CNTN5: variants seen among roughly 807,000 people sequenced by gnomAD.
The protein encoded by CNTN5 is contactin 5.
CNTN5 carries 77 observed loss-of-function variants against 129.1 expected under a neutral mutation model. The ratio of observed to expected loss-of-function variants is 0.60; its 90% CI spans 0.50 to 0.72. CNTN5 has a LOEUF of 0.72. Among genes scored for constraint, CNTN5 ranks in the 30% least tolerant of loss-of-function variants. The pLI is 0.00. For synonymous variants in CNTN5, 509 were observed against 465.6 expected, an observed-to-expected ratio of 1.09 and a Z score of -1.20; for missense variants, 1,478 against 1,328.8, an observed-to-expected ratio of 1.11 and a Z score of -1.75.
chr11:100,317,005 T>A (rs1419586926), intron 21 of CNTN5, among the ~76,000 whole-genome samples: 2 of 152,218 alleles, frequency 1.3e-5, no homozygotes, highest in African/African-American at 2.4e-5. Context: ...GGTTCACATG[T>A]GTTCATTTTA....
intron 13 of CNTN5, among the ~76,000 whole-genome samples, chr11:100,185,708 C>T (rs1325600096): frequency 6.6e-6 from 1 of 152,122 alleles, no homozygotes; most frequent in Non-Finnish European, 1.5e-5. Context: ...TAAGTATAGG[C>T]TCCCAATCCA....
At chr11:99,911,369 C>G (rs1046025466) in intron 6 of CNTN5, among the ~76,000 whole-genome samples, 4 of 151,828 alleles carry the variant, frequency 2.6e-5, no homozygotes, top group African/African-American at 9.7e-5. Context: ...TTTTTCCAAA[C>G]ACACCTCCTA....
chr11:100,193,470 G>A lies in CNTN5; in HGVS notation c.1709-18G>A, dbSNP rs78196416. 1.8e-3 allele frequency: 2,642 copies of A among 1,432,006 alleles called. 32 individuals carry two copies. The African/African-American group carries it at 0.025, about 13-fold the overall frequency. The allele number at this position is 1,432,006 out of a possible 1,614,324, so 88.7% of individuals were successfully genotyped here. ...CAACAGGTTGATTATCTTAATTAAC[G>A]TATTTTTATTTCTATAGAACCTACA... On this transcript the variant is annotated intron_variant, in intron 14 of 24. Coordinates refer to ENST00000524871, the MANE Select transcript of CNTN5 (RefSeq NM_014361.4).
At chr11:99,236,150 A>G (rs1861247666) in intron 1 of CNTN5, among the ~76,000 whole-genome samples, 1 of 152,154 alleles carries the variant, frequency 6.6e-6, no homozygotes, top group Non-Finnish European at 1.5e-5. Context: ...TTGTGCAATA[A>G]TATTTCCCGG....
intron 16 of CNTN5, among the ~76,000 whole-genome samples, chr11:100,234,354 T>C (rs929455929): frequency 5.9e-5 from 9 of 152,174 alleles, no homozygotes; most frequent in Non-Finnish European, 1.2e-4. Flanking sequence ...TGTATGTTTA[T>C]TGCAGCACTA....
chr11:99,430,131 G>A (rs1325248420), intron 2 of CNTN5, among the ~76,000 whole-genome samples: 1 of 151,980 alleles, frequency 6.6e-6, no homozygotes, highest in Non-Finnish European at 1.5e-5. Context: ...AGGGGTGTGA[G>A]TTATTAGACT....
intron 7 of CNTN5, among the ~76,000 whole-genome samples, chr11:99,934,217 G>T (rs1950256549): frequency 6.6e-6 from 1 of 152,150 alleles, no homozygotes; most frequent in Non-Finnish European, 1.5e-5. Flanking sequence ...TCATACAGAT[G>T]CCATTACAAT....
At chr11:99,157,521 TA>T (rs1860393638) in intron 1 of CNTN5, among the ~76,000 whole-genome samples, 1 of 152,098 alleles carries the variant, frequency 6.6e-6, no homozygotes, top group Admixed American at 6.5e-5. Flanking sequence ...AAGTTGTATA[TA>T]AATACCATAT....
chr11:99,805,927 G>T (rs1591218855), intron 3 of CNTN5, among the ~76,000 whole-genome samples: 1 of 152,184 alleles, frequency 6.6e-6, no homozygotes, highest in South Asian at 2.1e-4. Flanking sequence ...GCACTAAGCT[G>T]TTAAATGGGC....
chr11:99,682,078 A>C (rs1403349172), intron 3 of CNTN5, among the ~76,000 whole-genome samples: 2 of 152,002 alleles, frequency 1.3e-5, no homozygotes, highest in Non-Finnish European at 2.9e-5. Flanking sequence ...ATATGCAAGA[A>C]CCAAGGAACA....
chr11:100,279,230 T>C (rs1028699041), intron 18 of CNTN5, among the ~76,000 whole-genome samples: 1 of 151,970 alleles, frequency 6.6e-6, no homozygotes. Flanking sequence ...AAATTTTGCA[T>C]TGATACTTAC....
intron 18 of CNTN5, among the ~76,000 whole-genome samples, chr11:100,278,260 G>T (rs1031979477): frequency 6.6e-6 from 1 of 151,968 alleles, no homozygotes; most frequent in Admixed American, 6.6e-5. Flanking sequence ...CACCAGTTTT[G>T]TTCTTTTTGC....
intron 13 of CNTN5, among the ~76,000 whole-genome samples, chr11:100,155,821 A>G (rs185667781): frequency 6.6e-6 from 1 of 151,566 alleles, no homozygotes; most frequent in Non-Finnish European, 1.5e-5. Context: ...TTATTTGTGT[A>G]TAAGAATGCT....
At chr11:99,425,603 A>G (rs1458745186) in intron 2 of CNTN5, among the ~76,000 whole-genome samples, 2 of 152,206 alleles carry the variant, frequency 1.3e-5, no homozygotes, top group African/African-American at 4.8e-5. Context: ...CCCAGCCACA[A>G]CTTTGCTGTG....
chr11:100,210,299 A>G (rs894419851), intron 15 of CNTN5, among the ~76,000 whole-genome samples: 12 of 151,038 alleles, frequency 7.9e-5, no homozygotes, highest in African/African-American at 2.9e-4. Flanking sequence ...GCCGTGAGCC[A>G]AGAACCTGCC....
intron 9 of CNTN5, among the ~76,000 whole-genome samples, chr11:100,014,441 A>G (rs563167230): frequency 6.6e-6 from 1 of 152,110 alleles, no homozygotes; most frequent in African/African-American, 2.4e-5. Context: ...TCTGCTGCAA[A>G]TAAGACTAGA....
intron 3 of CNTN5, among the ~76,000 whole-genome samples, chr11:99,777,783 A>C (rs1945176304): frequency 6.6e-6 from 1 of 151,786 alleles, no homozygotes; most frequent in Non-Finnish European, 1.5e-5. Context: ...CTAATTATAC[A>C]ATTCCACTTT....
At chr11:99,454,886 A>G (rs7942003) in intron 2 of CNTN5, among the ~76,000 whole-genome samples, 3,372 of 152,228 alleles carry the variant, frequency 0.022, 144 homozygotes, top group African/African-American at 0.075. Flanking sequence ...TAGGAAATCT[A>G]GTAGCCTCCC....
intron 3 of CNTN5, among the ~76,000 whole-genome samples, chr11:99,598,288 T>C (rs866287801): frequency 0.037 from 119 of 3,214 alleles, no homozygotes; most frequent in Middle Eastern, 0.17. Flanking sequence ...TCTTTTCTTT[T>C]CTTTTCTTTT....
Sources: gnomAD v4.1 joint callset for allele counts (sites outside exome capture counted in the v4.1 genomes callset) on GRCh38, gnomAD v4.1.1 for gene constraint, MANE v1.5 for transcripts, NCBI Gene and HGNC (gene_info 2026-07-23, HGNC 2026-07-21) for gene names.